NUDT8: variants seen among roughly 807,000 people sequenced by gnomAD.
NUDT8 encodes the protein mitochondrial coenzyme A diphosphatase NUDT8.
NUDT8 carries 14 observed loss-of-function variants against 12.5 expected under a neutral mutation model. The ratio of observed to expected loss-of-function variants is 1.12; its 90% CI spans 0.74 to 1.75. The LOEUF (loss-of-function observed/expected upper bound fraction) is 1.75. Among genes scored for constraint, NUDT8 ranks in the 40% most tolerant of loss-of-function variants. The pLI, the probability that NUDT8 is intolerant of heterozygous loss-of-function variation, is 0.00. For synonymous variants in NUDT8, 163 were observed against 156.2 expected (o/e 1.04, Z -0.33); for missense variants, 337 against 318.5 (o/e 1.06, Z -0.44).
In NUDT8 at chr11:67,628,010, G is replaced by C. The variant is rs551156083; in HGVS notation, c.647C>G (p.Pro216Arg). 1 of 1,598,160 alleles carries C rather than the reference G, an allele frequency of 6.3e-7. No individual in the cohort carries two copies. Among genetic ancestry groups the C allele is most frequent in the Non-Finnish European group, 8.5e-7 (1 of 1,179,718 alleles). ...TCSGAEGLAR[P>R]KQPLASPCQA... ...ACAGGGTGAAGCCAGGGGCTGCTTA[G>C]GGCGGGCCAGACCCTCAGCCCCTGA... Residue 216 changes from proline to arginine, a missense_variant, in exon 4 of 4, where the codon CCT becomes CGT. Pro to Arg is a moderately radical substitution (Grantham distance 103). Coordinates refer to ENST00000376693, the MANE Select transcript of NUDT8 (RefSeq NM_001243750.2).
intron 2 of NUDT8, among the ~76,000 whole-genome samples, 166 bp downstream of exon 2, chr11:67,628,753 G>C (rs1013748034): frequency 6.6e-6 from 1 of 152,178 alleles, no homozygotes; most frequent in Non-Finnish European, 1.5e-5. Flanking sequence ...ATCCCTTCCC[G>C]AGGGGGTGTG....
rs1265357767 is a variant in NUDT8, at chr11:67,628,326, C to T, written c.402G>A (p.Glu134=). 6.2e-7 allele frequency: 1 copy of T among 1,613,858 alleles called. No homozygotes were observed. The highest frequency in any genetic ancestry group is 8.5e-7 in the Non-Finnish European group (1 of 1,180,016). ...CCCCTCATATCCCCCAGCTCACCTC[C>T]TCCGAGTTGGGCCTGAGGCTCTGGG... ...LDPQSLRPNS[E]EVDEVFALPL... is the part of the protein sequence containing the mutation. The change falls in exon 3 of 4, where the codon GAG becomes GAA. Residue 134 remains glutamate, a synonymous_variant. Coordinates refer to ENST00000376693, the MANE Select transcript of NUDT8 (RefSeq NM_001243750.2).
Position 67,629,809 on chromosome 11 carries a change from G to C in NUDT8, c.103C>G (p.Leu35Val). Residue 35 changes from leucine (L) to valine (V), a missense_variant, in exon 1 of 4, where the codon CTC becomes GTC. Coordinates refer to ENST00000376693, the MANE Select transcript of NUDT8 (RefSeq NM_001243750.2). ...CCACGCACTGAGCAGAGCGGCACGAGCACCGCGGCCGACGCGGGCCGCGCG... is the reference window on the plus strand; with the variant it reads ...CCACGCACTGAGCAGAGCGGCACGACCACCGCGGCCGACGCGGGCCGCGCG... ...LRARPASAAVLVPLCSVRGVP... is the reference protein window; with the variant it reads ...LRARPASAAVVVPLCSVRGVP... 7.0e-7 allele frequency: 1 copy of C among 1,433,478 alleles called. No individual in the cohort carries two copies. The highest frequency in any genetic ancestry group is 9.1e-7 in the Non-Finnish European group (1 of 1,095,120). The allele number at this position is 1,433,478 out of a possible 1,614,324, so 88.8% of individuals were successfully genotyped here.
intron 1 of NUDT8, chr11:67,629,436 G>A (rs1855169865): frequency 2.6e-6 from 1 of 391,184 alleles, no homozygotes; most frequent in Non-Finnish European, 4.6e-6. Flanking sequence ...CCCTCTAAGC[G>A]GGAAACAGCT....
chr11:67,629,788 G>T lies in NUDT8; in HGVS notation c.124C>A (p.Arg42Ser), dbSNP rs1280403490. The T allele has an allele frequency of 1.3e-6, 2 of 1,523,262 alleles. No homozygotes were observed. Among genetic ancestry groups the T allele is most frequent in the Non-Finnish European group, 8.7e-7 (1 of 1,143,286 alleles). The allele number at this position is 1,523,262 out of a possible 1,614,324, so 94.4% of individuals were successfully genotyped here. A position where few individuals can be genotyped will look rare whatever the true frequency, so the allele number is the denominator to read the frequency against. ...GTGTACAGCAGCGCCGGGACCCCAC[G>T]CACTGAGCAGAGCGGCACGAGCACC... ...AAVLVPLCSV[R>S]GVPALLYTLR... The change falls in exon 1 of 4, where the codon CGT (arginine) becomes AGT (serine). Residue 42 changes from arginine to serine, a missense_variant. Arg to Ser is a moderately radical substitution (Grantham distance 110). Transcript: ENST00000376693.
intron 2 of NUDT8, among the ~76,000 whole-genome samples, chr11:67,628,631 C>A (rs1179546610): frequency 6.6e-6 from 1 of 152,226 alleles, no homozygotes; most frequent in Non-Finnish European, 1.5e-5. Flanking sequence ...AGCCTGGGTT[C>A]AATCCCTGCC....
In NUDT8 at chr11:67,628,100, G is replaced by A; in HGVS notation, c.557C>T (p.Thr186Ile). 1 of 1,598,586 alleles carries A rather than the reference G, an allele frequency of 6.3e-7. No homozygotes were observed. Among genetic ancestry groups the A allele is most frequent in the East Asian group, 2.2e-5 (1 of 44,884 alleles). Residue 186 changes from threonine (T) to isoleucine (I), a missense_variant, in exon 4 of 4, where the codon ACT (threonine) becomes ATT (isoleucine). Transcript: ENST00000376693. ...TGCCAGCAGCTGCAGGGCAAACTCA[G>A]TGATGACAGCTGTGAGGCCCCAGAC... ...HRVWGLTAVI[T>I]EFALQLLAPG...
intron 2 of NUDT8, 94 bp downstream of exon 2, chr11:67,628,825 G>A: frequency 5.4e-6 from 8 of 1,474,196 alleles, no homozygotes; most frequent in Non-Finnish European, 6.4e-6. Flanking sequence ...GCCCGTGGGG[G>A]TCCATGACCA....
At chr11:67,628,457 G>C (rs2134094449) in intron 2 of NUDT8, 57 bp from the exon 3 acceptor site, 1 of 1,483,598 alleles carries the variant, frequency 6.7e-7, no homozygotes, top group Non-Finnish European at 9.3e-7. Flanking sequence ...TTGAAGGCTG[G>C]GGAGGGGAGT....
In NUDT8 at chr11:67,627,971, G is replaced by T. The variant is rs1401390795; in HGVS notation, c.686C>A (p.Thr229Asn). 1.9e-6 allele frequency: 3 copies of T among 1,594,152 alleles called. No individual in the cohort carries two copies. Among genetic ancestry groups the T allele is most frequent in the Non-Finnish European group, 2.5e-6 (3 of 1,177,146 alleles). ...TCAAAGACCTTTATTCAGTCCTGGA[G>T]TGGAGCTGGCCTGACAGGGTGAAGC... ...PLASPCQASS[T>N]PGLNKGL The change falls in exon 4 of 4, where the codon ACT (threonine) becomes AAT (asparagine). Residue 229 changes from threonine to asparagine, a missense_variant. By Grantham distance (65) the Thr-to-Asn change is moderately conservative. Coordinates refer to ENST00000376693, the MANE Select transcript of NUDT8 (RefSeq NM_001243750.2).
At chr11:67,629,323 C>A in intron 1 of NUDT8, 1 of 452,874 alleles carries the variant, frequency 2.2e-6, no homozygotes, top group Non-Finnish European at 3.9e-6. Flanking sequence ...CAAATTCGGC[C>A]TATGGTGGCC....
Position 67,628,938 on chromosome 11 carries a change from AGCAGGCCCCACAC to A in NUDT8, c.295_307del (p.Val99CysfsTer19). The A allele has an allele frequency of 6.2e-7, 1 of 1,611,532 alleles. No homozygotes were observed. Among genetic ancestry groups the A allele is most frequent in the South Asian group, 1.1e-5 (1 of 90,898 alleles). On this transcript the variant is annotated frameshift_variant, in exon 2 of 4. Coordinates refer to ENST00000376693, the MANE Select transcript of NUDT8 (RefSeq NM_001243750.2). LOFTEE classifies it high-confidence loss of function. Reference sequence around the variant, plus strand: ...GCTTACCGGATCATACACAGGCCGCAGCAGGCCCCACACGTGCTCCTCGGGCACTGCCAGGCCC... The same window carrying A: ...GCTTACCGGATCATACACAGGCCGCAGTGCTCCTCGGGCACTGCCAGGCCC...
At position 67,629,894 on chromosome 11, in the gene NUDT8, C is replaced by T. The variant is rs1227513314; in HGVS notation, c.18G>A (p.Leu6=). The change falls in exon 1 of 4, where the codon CTG becomes CTA. Residue 6 remains leucine, a synonymous_variant. Transcript: ENST00000376693. The part of the protein sequence containing the change: MLPDC[L]SAEGELRCRR... ...GGCAGCGCAGCTCGCCCTCGGCCGACAGGCAGTCGGGCAGCATGTCAAGTC... is the reference window on the plus strand; with the variant it reads ...GGCAGCGCAGCTCGCCCTCGGCCGATAGGCAGTCGGGCAGCATGTCAAGTC... The T allele has an allele frequency of 1.1e-5, 14 of 1,238,814 alleles. No homozygotes were observed. Among genetic ancestry groups the T allele is most frequent in the Non-Finnish European group, 1.4e-5 (14 of 995,700 alleles). The allele number at this position is 1,238,814 out of a possible 1,614,324, so 76.7% of individuals were successfully genotyped here.
Position 67,629,810 on chromosome 11 carries a change from C to T in NUDT8, c.102G>A (p.Val34=). 1 of 1,430,736 alleles carries T rather than the reference C, an allele frequency of 7.0e-7. No homozygotes were observed. 88.6% of individuals were successfully genotyped at this position (1,430,736 alleles called of 1,614,324 possible). ...CACGCACTGAGCAGAGCGGCACGAG[C>T]ACCGCGGCCGACGCGGGCCGCGCGC... ...RLRARPASAA[V]LVPLCSVRGV... is the part of the protein sequence containing the mutation. Residue 34 remains valine (V), a synonymous_variant, in exon 1 of 4, where the codon GTG becomes GTA. Transcript: ENST00000376693.
rs550367360 is a variant in NUDT8 at position 67,628,034 on chromosome 11, G to C, written c.623C>G (p.Ser208Ter). The C allele has an allele frequency of 3.8e-4, 604 of 1,598,370 alleles. 7 individuals carry two copies. The South Asian group carries it at 6.3e-3, about 17-fold the overall frequency. The part of the protein sequence containing the change: ...YQPRLAGLTC[S>*]GAEGLARPKQ... ...AGGGCGGGCCAGACCCTCAGCCCCTGAGCAGGTCAGGCCGGCCAGGCGGGG... is the reference window on the plus strand; with the variant it reads ...AGGGCGGGCCAGACCCTCAGCCCCTCAGCAGGTCAGGCCGGCCAGGCGGGG... Residue 208 changes from serine (S) to a stop codon, truncating the protein, a stop_gained, in exon 4 of 4, where the codon TCA becomes TGA. Coordinates refer to ENST00000376693, the MANE Select transcript of NUDT8 (RefSeq NM_001243750.2). LOFTEE classifies it low-confidence loss of function (END_TRUNC).
At chr11:67,629,154 G>T in intron 1 of NUDT8, 103 bp from the exon 2 acceptor site, 1 of 1,269,984 alleles carries the variant, frequency 7.9e-7, no homozygotes, top group Non-Finnish European at 1.1e-6. Flanking sequence ...AGTGTCGCCT[G>T]CCTCTGCCCC....
At chr11:67,629,687 G>A in intron 1 of NUDT8, 31 bp downstream of exon 1, 1 of 1,359,078 alleles carries the variant, frequency 7.4e-7, no homozygotes, top group South Asian at 1.5e-5. Flanking sequence ...GTAGCCTCCG[G>A]CAAAGGGCGA....
chr11:67,629,664 G>A lies in NUDT8; in HGVS notation c.194+54C>T, dbSNP rs574993931. The A allele has an allele frequency of 2.1e-5, 24 of 1,143,488 alleles. No individual in the cohort carries two copies. The South Asian group carries it at 3.5e-4, about 17-fold the overall frequency. The allele number at this position is 1,143,488 out of a possible 1,614,324, so 70.8% of individuals were successfully genotyped here. On this transcript the variant is annotated intron_variant, in intron 1 of 3. Coordinates refer to ENST00000376693, the MANE Select transcript of NUDT8 (RefSeq NM_001243750.2). Reference sequence around the variant, plus strand: ...AGTGCCCTGCCAGAGGTCCCTGCCAGCCCCGGGCTCCTGTAGCCTCCGGCA... The same window carrying A: ...AGTGCCCTGCCAGAGGTCCCTGCCAACCCCGGGCTCCTGTAGCCTCCGGCA...
At chr11:67,629,196 C>G (rs1352947460) in intron 1 of NUDT8, 145 bp from the exon 2 acceptor site, 17 of 823,272 alleles carry the variant, frequency 2.1e-5, no homozygotes, top group Non-Finnish European at 3.0e-5. Context: ...GCAAGCCATG[C>G]GACCTCTGGA....
Sources: gnomAD v4.1 joint callset for allele counts (sites outside exome capture counted in the v4.1 genomes callset) on GRCh38, gnomAD v4.1.1 for gene constraint, MANE v1.5 for transcripts, NCBI Gene and HGNC (gene_info 2026-07-23, HGNC 2026-07-21) for gene names.